Variants in CCDC171 observed in about 807,000 individuals in gnomAD.
CCDC171 encodes coiled-coil domain-containing protein 171.
Under a neutral mutation model 168.2 loss-of-function variants are expected in CCDC171, and 177 were observed. That is an observed-to-expected ratio of 1.05 (90% CI 0.93 to 1.19). The LOEUF is 1.19. CCDC171 is among the 50% of genes most tolerant of loss of function. The pLI, the probability that CCDC171 is intolerant of heterozygous loss-of-function variation, is 0.00. For missense variants in CCDC171, 1,991 were observed against 1,539.0 expected (o/e 1.29, Z -4.91); for synonymous variants, 687 against 540.8 (o/e 1.27, Z -3.75).
intron 7 of CCDC171, among the ~76,000 whole-genome samples, chr9:15,625,190 A>G (rs1369433807): frequency 2.6e-5 from 4 of 151,966 alleles, no homozygotes; most frequent in African/African-American, 9.7e-5. Context: ...AAATTTGTTT[A>G]AGTTCTTTGT....
At chr9:15,905,112 A>C (rs1276471305) in intron 24 of CCDC171, among the ~76,000 whole-genome samples, 3 of 152,230 alleles carry the variant, frequency 2.0e-5, no homozygotes, top group Non-Finnish European at 4.4e-5. Flanking sequence ...AGACAGATCA[A>C]CGAGACAGAA....
At position 15,982,700 on chromosome 9, in the gene CCDC171, C is replaced by G. The variant is rs16933880; in HGVS notation, n.369-37889C>G. Among the ~76,000 whole-genome samples, 368 of 152,212 alleles carry G rather than the reference C, an allele frequency of 2.4e-3. 1 individual carries two copies. Among genetic ancestry groups the G allele is most frequent in the Middle Eastern group, 0.02 (6 of 294 alleles). On this transcript the variant is annotated intron_variant and non_coding_transcript_variant, in intron 3 of 9. Transcript: ENST00000486641. ...TCCCTTCCTTCTACTGACTGGTGCT[C>G]TCAGCCTAATTTCCACATGACCCAG...
intron 1 of CCDC171, among the ~76,000 whole-genome samples, chr9:15,562,565 A>G (rs1171146122): frequency 1.3e-5 from 2 of 152,174 alleles, no homozygotes; most frequent in Non-Finnish European, 2.9e-5. Flanking sequence ...CAACTTTATT[A>G]AAAGTTTCGT....
chr9:15,968,751 C>T (rs1029914082), intron 25 of CCDC171, among the ~76,000 whole-genome samples: 8 of 152,104 alleles, frequency 5.3e-5, no homozygotes, highest in Non-Finnish European at 1.2e-4. Context: ...GTTGGCCAGG[C>T]TGGTCTCCAA....
chr9:15,611,428 G>A (rs1564047190), intron 6 of CCDC171, among the ~76,000 whole-genome samples: 1 of 152,166 alleles, frequency 6.6e-6, no homozygotes, highest in Admixed American at 6.5e-5. Context: ...CTCTTTGGAT[G>A]TGGAGCCCTT....
chr9:15,790,590 T>G (rs202201055), intron 21 of CCDC171, among the ~76,000 whole-genome samples: 6 of 152,136 alleles, frequency 3.9e-5, no homozygotes, highest in African/African-American at 1.4e-4. Context: ...TGCAGAAGCT[T>G]TTTAGTTTAA....
chr9:15,864,837 T>TGAA (rs1410877248), intron 23 of CCDC171, among the ~76,000 whole-genome samples: 3 of 152,054 alleles, frequency 2.0e-5, no homozygotes, highest in African/African-American at 7.2e-5. Context: ...AATTGAAATG[T>TGAA]GAAGAAGAAG....
intron 6 of CCDC171, among the ~76,000 whole-genome samples, chr9:15,612,659 G>T (rs1037711254): frequency 6.6e-6 from 1 of 152,020 alleles, no homozygotes; most frequent in Admixed American, 6.6e-5. Flanking sequence ...TCTTGGTTGG[G>T]CACATTGCCT....
chr9:15,846,896 A>G (rs370597536), intron 22 of CCDC171, 49 bp downstream of exon 22: 16 of 1,519,512 alleles, frequency 1.1e-5, no homozygotes, highest in African/African-American at 8.3e-5. Flanking sequence ...CAAAAGATCA[A>G]TTCTTACTTT....
chr9:15,926,406 C>T (rs7044984), intron 25 of CCDC171, among the ~76,000 whole-genome samples: 6,975 of 151,742 alleles, frequency 0.046, 338 homozygotes, highest in South Asian at 0.13. Flanking sequence ...ACCTTACCTT[C>T]ATCGGTTCCC....
intron 3 of CCDC171, among the ~76,000 whole-genome samples, chr9:15,577,173 G>C (rs894967673): frequency 1.3e-5 from 2 of 152,098 alleles, no homozygotes; most frequent in African/African-American, 4.8e-5. Context: ...TTCCAGGTTT[G>C]TTCATAACCT....
chr9:15,557,655 T>C (rs1229064725), intron 1 of CCDC171, among the ~76,000 whole-genome samples: 1 of 152,176 alleles, frequency 6.6e-6, no homozygotes, highest in Non-Finnish European at 1.5e-5. Flanking sequence ...GATGGGGTTT[T>C]CTAAATATAC....
the CCDC171 span, among the ~76,000 whole-genome samples, chr9:16,069,693 A>G: frequency 6.6e-6 from 1 of 152,230 alleles, no homozygotes; most frequent in East Asian, 1.9e-4. Context: ...TGATTTTCAC[A>G]GTGAGAGGAA....
chr9:16,007,785 G>A (rs911143177), intron 3 of CCDC171, among the ~76,000 whole-genome samples: 1 of 152,112 alleles, frequency 6.6e-6, no homozygotes, highest in Non-Finnish European at 1.5e-5. Flanking sequence ...TGTTCCATTG[G>A]TCTATGTCTC....
chr9:16,073,203 G>T, the CCDC171 span, among the ~76,000 whole-genome samples: 1 of 152,220 alleles, frequency 6.6e-6, no homozygotes, highest in African/African-American at 2.4e-5. Flanking sequence ...TAGGACCAAG[G>T]TTGCTGCCTC....
At chr9:15,859,293 T>G (rs1251779852) in intron 23 of CCDC171, among the ~76,000 whole-genome samples, 2 of 152,032 alleles carry the variant, frequency 1.3e-5, no homozygotes, top group Non-Finnish European at 2.9e-5. Context: ...GTTGCTAATA[T>G]TTTGTTGAGG....
At chr9:15,687,111 G>C (rs1003931512) in intron 10 of CCDC171, among the ~76,000 whole-genome samples, 2 of 152,016 alleles carry the variant, frequency 1.3e-5, no homozygotes, top group African/African-American at 4.8e-5. Context: ...AGGCAACAGA[G>C]GAAACATTCA....
chr9:15,562,069 A>G (rs2039346723), intron 1 of CCDC171, among the ~76,000 whole-genome samples: 1 of 151,704 alleles, frequency 6.6e-6, no homozygotes, highest in African/African-American at 2.4e-5. Context: ...ATCTTGGCTC[A>G]CTGCAGTCTC....
intron 1 of CCDC171, among the ~76,000 whole-genome samples, chr9:16,053,478 C>G (rs1232228460): frequency 6.6e-6 from 1 of 152,340 alleles, no homozygotes; most frequent in Middle Eastern, 3.4e-3. Context: ...GGTTACTGGA[C>G]CCATCCGCGC....
Sources: allele counts gnomAD v4.1 joint callset (sites outside exome capture counted in the v4.1 genomes callset), GRCh38; gene constraint gnomAD v4.1.1; transcripts MANE v1.5; gene names NCBI Gene and HGNC (gene_info 2026-07-23, HGNC 2026-07-21).